Variants in TENM2 observed in about 807,000 individuals in gnomAD.
The protein encoded by TENM2 is teneurin-2.
A neutral mutation model predicts 245.2 loss-of-function variants in TENM2; 52 were observed. The observed-to-expected ratio is 0.21, with a 90% CI of 0.17 to 0.27. The LOEUF (loss-of-function observed/expected upper bound fraction) is 0.27. Ranked by LOEUF, TENM2 falls within the 10% of genes least tolerant of loss-of-function variation. The pLI, the probability that TENM2 is intolerant of heterozygous loss-of-function variation, is 1.00. For synonymous variants in TENM2, 1,363 were observed against 1,438.9 expected (o/e 0.95, Z 1.19); for missense variants, 3,046 against 3,666.8 (o/e 0.83, Z 4.37).
chr5:166,994,536 C>T, the TENM2 span, among the ~76,000 whole-genome samples: 1 of 152,130 alleles, frequency 6.6e-6, no homozygotes, highest in African/African-American at 2.4e-5. Flanking sequence ...ATGTCAAACT[C>T]TTGATGTGCC....
chr5:167,872,756 A>G (rs1280448061), intron 2 of TENM2, among the ~76,000 whole-genome samples: 3 of 152,222 alleles, frequency 2.0e-5, no homozygotes, highest in African/African-American at 4.8e-5. Context: ...AGTAACCCCA[A>G]TGCTTTCATT....
At position 168,247,132 on chromosome 5, in the gene TENM2, T is replaced by A; in HGVS notation, c.6193T>A (p.Tyr2065Asn). The A allele has an allele frequency of 6.2e-7, 1 of 1,613,896 alleles. No homozygotes were observed. The highest frequency in any genetic ancestry group is 8.5e-7 in the Non-Finnish European group (1 of 1,179,878). Residue 2065 changes from tyrosine (Y) to asparagine (N), a missense_variant, in exon 27 of 29, where the codon TAC (tyrosine) becomes AAC (asparagine). Tyr to Asn is a moderately radical substitution (Grantham distance 143). Around this residue, in one of 2 missense-constraint regions of TENM2, gnomAD observed 2,704 missense variants for 3,331.9 expected, o/e 0.81. Coordinates refer to ENST00000518659, the Ensembl canonical transcript of TENM2. This position sits in a 1 kb window ranked among gnomAD's most constrained non-coding sequence, Gnocchi z 7.8. ...TGGGGGCTTCTCCTGCACCATCAGG[T>A]ACCGGAAGATTGGCCCCCTGGTGGA...
chr5:167,967,637 T>G (rs992253118), intron 4 of TENM2, among the ~76,000 whole-genome samples: 6 of 151,958 alleles, frequency 3.9e-5, no homozygotes, highest in Admixed American at 1.3e-4. Context: ...AAAAGAAAAA[T>G]AAAAATCCAT....
intron 1 of TENM2, chr5:167,287,263 G>A (rs1286358225): frequency 1.3e-5 from 2 of 152,144 alleles, no homozygotes; most frequent in African/African-American, 4.8e-5. Context: ...TTGAAACTTA[G>A]CCACTACAGA....
At chr5:168,112,853 T>A (rs1413979022) in intron 9 of TENM2, among the ~76,000 whole-genome samples, 1 of 152,196 alleles carries the variant, frequency 6.6e-6, no homozygotes, top group Non-Finnish European at 1.5e-5. Flanking sequence ...CATCTTCTTT[T>A]CTCCATCACT....
chr5:167,627,657 A>C (rs902645366), intron 2 of TENM2, among the ~76,000 whole-genome samples: 1 of 151,548 alleles, frequency 6.6e-6, no homozygotes, highest in African/African-American at 2.4e-5. Flanking sequence ...TCCCAGGTTC[A>C]AGTGATTCTC....
intron 8 of TENM2, among the ~76,000 whole-genome samples, chr5:168,096,430 G>A (rs1793378626): frequency 6.6e-6 from 1 of 152,198 alleles, no homozygotes; most frequent in Admixed American, 6.5e-5. Context: ...AATGTTAATT[G>A]TTGTTACACA....
At chr5:166,993,248 A>G in the TENM2 span, among the ~76,000 whole-genome samples, 3 of 152,016 alleles carry the variant, frequency 2.0e-5, no homozygotes, top group Non-Finnish European at 2.9e-5. Context: ...GGAACTGCAG[A>G]GCTATTTTAT....
At chr5:167,087,583 T>C in the TENM2 span, among the ~76,000 whole-genome samples, 1 of 152,314 alleles carries the variant, frequency 6.6e-6, no homozygotes, top group East Asian at 1.9e-4. Flanking sequence ...CATAGAATAG[T>C]ACCTTGCATA....
intron 2 of TENM2, among the ~76,000 whole-genome samples, chr5:167,439,170 T>A (rs376825302): frequency 6.6e-6 from 1 of 152,130 alleles, no homozygotes; most frequent in East Asian, 1.9e-4. Context: ...ATCAGGTTAG[T>A]TTTAATGGAG....
chr5:167,849,264 C>G (rs1770339161), intron 2 of TENM2, among the ~76,000 whole-genome samples: 1 of 152,136 alleles, frequency 6.6e-6, no homozygotes, highest in African/African-American at 2.4e-5. Context: ...ATCTCCTTAT[C>G]TCAAGATCTT....
chr5:168,256,427 C>CT (rs564590839), intron 27 of TENM2, among the ~76,000 whole-genome samples: 58,731 of 133,560 alleles, frequency 0.44, 14,570 homozygotes, highest in South Asian at 0.58. Context: ...AACTTGTATT[C>CT]TTTTTTTTTT....
chr5:167,459,728 G>T (rs1766162068), intron 2 of TENM2, among the ~76,000 whole-genome samples: 1 of 152,072 alleles, frequency 6.6e-6, no homozygotes, highest in Non-Finnish European at 1.5e-5. Context: ...CAATGGGTGT[G>T]CAGTGACAAA....
chr5:168,255,777 A>G (rs1366525710), intron 27 of TENM2, among the ~76,000 whole-genome samples: 2 of 152,078 alleles, frequency 1.3e-5, no homozygotes, highest in Non-Finnish European at 2.9e-5. Flanking sequence ...CATTCATGGT[A>G]GTGACATAAA....
chr5:167,668,533 A>G (rs533334433), intron 2 of TENM2, among the ~76,000 whole-genome samples: 39 of 152,214 alleles, frequency 2.6e-4, no homozygotes, highest in Non-Finnish European at 4.9e-4. Flanking sequence ...TTCCAGGGAC[A>G]TTCCCTGGCT....
chr5:168,022,869 C>T (rs1020995370), intron 5 of TENM2, among the ~76,000 whole-genome samples: 2 of 152,160 alleles, frequency 1.3e-5, no homozygotes, highest in East Asian at 1.9e-4. Context: ...GTGTCTCTCA[C>T]GCCTGCCCAT....
intron 2 of TENM2, among the ~76,000 whole-genome samples, chr5:167,753,519 A>C (rs1351723708): frequency 2.6e-5 from 4 of 152,214 alleles, no homozygotes; most frequent in South Asian, 4.1e-4. Flanking sequence ...ATTGATTGTG[A>C]AAAGCAGTGA....
chr5:167,854,423 G>A (rs142804643), intron 2 of TENM2, among the ~76,000 whole-genome samples: 17 of 152,280 alleles, frequency 1.1e-4, no homozygotes, highest in East Asian at 1.9e-4. Context: ...TATGTGCTGC[G>A]TCTTCTTGCC....
At chr5:167,604,278 G>A (rs1331688410) in intron 2 of TENM2, among the ~76,000 whole-genome samples, 2 of 152,168 alleles carry the variant, frequency 1.3e-5, no homozygotes, top group East Asian at 3.9e-4. Flanking sequence ...TCTCTGCAAT[G>A]AAAACTGCAG....
Sources: gnomAD v4.1 joint callset for allele counts (sites outside exome capture counted in the v4.1 genomes callset) on GRCh38, gnomAD v4.1.1 for gene constraint, gnomAD v4.1.1 regional missense constraint, Gnocchi (gnomAD v3.1) non-coding constraint, MANE v1.5 for transcripts, NCBI Gene and HGNC (gene_info 2026-07-23, HGNC 2026-07-21) for gene names.